Variants in JMY observed in about 807,000 individuals in gnomAD.
JMY encodes the protein junction mediating and regulatory protein, p53 cofactor.
Under a neutral mutation model 103.3 loss-of-function variants are expected in JMY, and 46 were observed. That is an observed-to-expected ratio of 0.45 (90% CI 0.35 to 0.57). JMY has a LOEUF of 0.57. JMY is among the 20% of genes least tolerant of loss of function. JMY has a pLI of 0.00. For missense variants in JMY, 1,238 were observed against 1,255.2 expected, an observed-to-expected ratio of 0.99 and a Z score of 0.21; for synonymous variants, 526 against 489.3, an observed-to-expected ratio of 1.07 and a Z score of -0.99.
chr5:79,281,552 G>A (rs1746115593), intron 2 of JMY, among the ~76,000 whole-genome samples: 1 of 151,720 alleles, frequency 6.6e-6, no homozygotes, highest in Admixed American at 6.6e-5. Flanking sequence ...ACATCATTAC[G>A]CAGCACGTGA....
At chr5:79,278,185 A>AG in intron 2 of JMY, 102 bp downstream of exon 2, 1 of 940,032 alleles carries the variant, frequency 1.1e-6, no homozygotes, top group East Asian at 2.5e-5. Context: ...AAAAAAAAAA[A>AG]AAGAAGGTAC....
intron 1 of JMY, among the ~76,000 whole-genome samples, chr5:79,254,198 C>A (rs1745172897): frequency 6.6e-6 from 1 of 151,462 alleles, no homozygotes; most frequent in Non-Finnish European, 1.5e-5. Context: ...CGTTCGTGAT[C>A]TGCCCGCCTC....
chr5:79,244,658 A>ATT lies in JMY; in HGVS notation c.1032+6989_1032+6990dup, dbSNP rs369361981. Among the ~76,000 whole-genome samples the ATT allele has an allele frequency of 1.2e-3, 171 of 143,008 alleles. 1 individual carries two copies. The highest frequency in any genetic ancestry group is 3.2e-3 in the East Asian group (16 of 4,968). 93.8% of individuals were successfully genotyped at this position (143,008 alleles called of 152,430 possible). A position where few individuals can be genotyped will look rare whatever the true frequency, so the allele number is the denominator to read the frequency against. Reference sequence around the variant, plus strand: ...TTGATGGTTAAATGTATGTGTGCCTATTTTTTTTTTTTTTGGTAACGAGAA... The same window carrying ATT: ...TTGATGGTTAAATGTATGTGTGCCTATTTTTTTTTTTTTTTTGGTAACGAGAA... On this transcript the variant is annotated intron_variant, in intron 1 of 10. Coordinates refer to ENST00000396137, the MANE Select transcript of JMY (RefSeq NM_152405.5).
Position 79,316,202 on chromosome 5 carries a change from C to G in JMY, c.2862C>G (p.Asp954Glu). The G allele has an allele frequency of 6.2e-7, 1 of 1,613,954 alleles. No homozygotes were observed. Among genetic ancestry groups the G allele is most frequent in the Non-Finnish European group, 8.5e-7 (1 of 1,179,844 alleles). ...CCTTCACACTTCTACCCGATACAGA[C>G]CCTCTAACACGGAGCATCCATGAAG... is the stretch of plus-strand genomic sequence containing the variant. Reference protein sequence around the residue: ...RESFTLLPDTDPLTRSIHEAL... With the variant: ...RESFTLLPDTEPLTRSIHEAL... The change falls in exon 10 of 11, where the codon GAC becomes GAG. Residue 954 changes from aspartate to glutamate, a missense_variant. Physicochemically the swap from Asp to Glu is conservative, Grantham distance 45. Transcript: ENST00000396137.
intron 1 of JMY, among the ~76,000 whole-genome samples, chr5:79,270,811 G>A (rs1745762034): frequency 6.6e-6 from 1 of 150,732 alleles, no homozygotes; most frequent in African/African-American, 2.4e-5. Context: ...TCCATTCCTA[G>A]TTTGCTGAGA....
intron 1 of JMY, among the ~76,000 whole-genome samples, chr5:79,254,837 T>C (rs1188085923): frequency 1.3e-5 from 2 of 151,958 alleles, no homozygotes; most frequent in African/African-American, 4.8e-5. Flanking sequence ...GTTTTCTCTT[T>C]TTTTTTTCCT....
At position 79,237,210 on chromosome 5, in the gene JMY, G is replaced by A; in HGVS notation, c.560G>A (p.Gly187Glu). The change falls in exon 1 of 11, where the codon GGG becomes GAG. Residue 187 changes from glycine to glutamate, a missense_variant. Physicochemically the swap from Gly to Glu is moderately conservative, Grantham distance 98. Coordinates refer to ENST00000396137, the MANE Select transcript of JMY (RefSeq NM_152405.5). ...TCTGTACGGATAGTGAGCGCCTCTG[G>A]GACGGTCTCCGAGGAGATAGAGGTG... Reference protein sequence around the residue: ...VSSVRIVSASGTVSEEIEVLE... With the variant: ...VSSVRIVSASETVSEEIEVLE... 1.3e-6 allele frequency: 2 copies of A among 1,550,542 alleles called. No individual in the cohort carries two copies. The highest frequency in any genetic ancestry group is 1.7e-6 in the Non-Finnish European group (2 of 1,146,918).
At chr5:79,256,604 G>A (rs1411268974) in intron 1 of JMY, among the ~76,000 whole-genome samples, 1 of 152,164 alleles carries the variant, frequency 6.6e-6, no homozygotes, top group African/African-American at 2.4e-5. Context: ...GATGGAGTCT[G>A]TGTTATCCAG....
rs1747212927 is a variant in JMY, at chr5:79,316,202, C to T, written c.2862C>T (p.Asp954=). 6.2e-7 allele frequency: 1 copy of T among 1,613,954 alleles called. No homozygotes were observed. Among genetic ancestry groups the T allele is most frequent in the Middle Eastern group, 1.6e-4 (1 of 6,062 alleles). ...CCTTCACACTTCTACCCGATACAGA[C>T]CCTCTAACACGGAGCATCCATGAAG... is the stretch of plus-strand genomic sequence containing the variant. ...RESFTLLPDT[D]PLTRSIHEAL... The change falls in exon 10 of 11, where the codon GAC becomes GAT. Residue 954 remains aspartate, a synonymous_variant. Transcript: ENST00000396137.
In JMY at chr5:79,326,199, T is replaced by C. The variant is rs1747639363; in HGVS notation, c.*4597T>C. On this transcript the variant is annotated 3_prime_UTR_variant, in exon 11 of 11. Coordinates refer to ENST00000396137, the MANE Select transcript of JMY (RefSeq NM_152405.5). ...AGTTTTGTTTTTTGCTGGTGTTTTTTGTTGTTTTTAATTAGGCACACTAAG... is the reference window on the plus strand; with the variant it reads ...AGTTTTGTTTTTTGCTGGTGTTTTTCGTTGTTTTTAATTAGGCACACTAAG... The C allele has an allele frequency of 6.6e-6, 1 of 152,088 alleles. No individual in the cohort carries two copies. The highest frequency in any genetic ancestry group is 2.4e-5 in the African/African-American group (1 of 41,366). 9.4% of individuals were successfully genotyped at this position (152,088 alleles called of 1,614,324 possible). A position where few individuals can be genotyped will look rare whatever the true frequency, so the allele number is the denominator to read the frequency against.
intron 2 of JMY, among the ~76,000 whole-genome samples, chr5:79,278,797 T>TC (rs1261463098): frequency 2.0e-5 from 3 of 148,040 alleles, no homozygotes; most frequent in South Asian, 2.1e-4. Flanking sequence ...ACATTTCTTT[T>TC]TTTTTTTTTT....
rs1746659479 is a variant in JMY at position 79,299,289 on chromosome 5, T to C, written c.1528-864T>C. Among the ~76,000 whole-genome samples the C allele has an allele frequency of 3.3e-5, 5 of 152,244 alleles. No individual in the cohort carries two copies. In the South Asian group the frequency reaches 1.0e-3, roughly 32 times the overall value. ...CTTACTGTCTCACTCTAGAGAACTATGCTTGTCCTTCACATCTCACTGACT... is the reference window on the plus strand; with the variant it reads ...CTTACTGTCTCACTCTAGAGAACTACGCTTGTCCTTCACATCTCACTGACT... On this transcript the variant is annotated intron_variant, in intron 4 of 10. Coordinates refer to ENST00000396137, the MANE Select transcript of JMY (RefSeq NM_152405.5).
At chr5:79,270,019 A>G (rs1451441454) in intron 1 of JMY, among the ~76,000 whole-genome samples, 1 of 151,988 alleles carries the variant, frequency 6.6e-6, no homozygotes, top group East Asian at 1.9e-4. Flanking sequence ...GACATGAACC[A>G]CTGCACCTGG....
rs1744513184 is a variant in JMY at position 79,236,701 on chromosome 5, G to A, written c.51G>A (p.Arg17=). 7.3e-6 allele frequency: 11 copies of A among 1,499,376 alleles called. No individual in the cohort carries two copies. Among genetic ancestry groups the A allele is most frequent in the East Asian group, 2.8e-5 (1 of 35,210 alleles). The allele number at this position is 1,499,376 out of a possible 1,614,324, so 92.9% of individuals were successfully genotyped here. Reference sequence around the variant, plus strand: ...TCGAGTCGGACTGGGTGGCTGTGCGGCCCCATGTGTTCGACGAGCGCGAGA... The same window carrying A: ...TCGAGTCGGACTGGGTGGCTGTGCGACCCCATGTGTTCGACGAGCGCGAGA... The part of the protein sequence containing the change: ...ETLESDWVAV[R]PHVFDEREKH... Residue 17 remains arginine (R), a synonymous_variant, in exon 1 of 11, where the codon CGG becomes CGA. Coordinates refer to ENST00000396137, the MANE Select transcript of JMY (RefSeq NM_152405.5).
chr5:79,295,556 C>T (rs1018206552), intron 4 of JMY, among the ~76,000 whole-genome samples: 2 of 152,166 alleles, frequency 1.3e-5, no homozygotes, highest in Non-Finnish European at 2.9e-5. Flanking sequence ...GCCAGTATCC[C>T]AGAAGGGAAT....
chr5:79,277,987 C>G lies in JMY; in HGVS notation c.1110C>G (p.Ser370Arg), dbSNP rs776896603. ...DLYQMEDEAY[S>R]SLAEATTELY... ...ATCAGATGGAGGATGAAGCCTACAG[C>G]AGCCTTGCAGAAGCTACAACCGAAC... Residue 370 changes from serine (S) to arginine (R), a missense_variant, in exon 2 of 11, where the codon AGC (serine) becomes AGG (arginine). Ser to Arg is a moderately radical substitution (Grantham distance 110). Coordinates refer to ENST00000396137, the MANE Select transcript of JMY (RefSeq NM_152405.5). The G allele has an allele frequency of 3.1e-6, 5 of 1,613,982 alleles. No homozygotes were observed. Among genetic ancestry groups the G allele is most frequent in the Admixed American group, 1.7e-5 (1 of 60,020 alleles).
chr5:79,246,081 ATCCTTACATCCTTAAATCATTCATTACT>A (rs1372482057), intron 1 of JMY, among the ~76,000 whole-genome samples: 7 of 152,168 alleles, frequency 4.6e-5, no homozygotes, highest in Non-Finnish European at 8.8e-5. Flanking sequence ...GTGTGTGTTT[ATCCTTACATCCTTAAATCATTCATTACT>A]TATACTTCAA....
chr5:79,288,243 C>G (rs929571230), intron 2 of JMY, among the ~76,000 whole-genome samples: 1 of 152,174 alleles, frequency 6.6e-6, no homozygotes, highest in African/African-American at 2.4e-5. Flanking sequence ...TCATTTTTCT[C>G]TCCTGAAAGC....
chr5:79,278,175 A>T, intron 2 of JMY, 92 bp downstream of exon 2: 1 of 997,036 alleles, frequency 1.0e-6, no homozygotes, highest in Non-Finnish European at 1.4e-6. Context: ...AACTTTAAAA[A>T]AAAAAAAAAA....
Sources: allele counts gnomAD v4.1 joint callset (sites outside exome capture counted in the v4.1 genomes callset), GRCh38; gene constraint gnomAD v4.1.1; transcripts MANE v1.5; gene names NCBI Gene and HGNC (gene_info 2026-07-23, HGNC 2026-07-21).